PCSK2: variants seen among roughly 807,000 people sequenced by gnomAD.
PCSK2 encodes neuroendocrine convertase 2.
A neutral mutation model predicts 69.7 loss-of-function variants in PCSK2; 14 were observed. The ratio of observed to expected loss-of-function variants is 0.20; its 90% confidence interval spans 0.13 to 0.31. The LOEUF is 0.31. Among genes scored for constraint, PCSK2 ranks in the 10% least tolerant of loss-of-function variants. PCSK2 has a pLI of 1.00. For missense variants in PCSK2, 544 were observed against 842.5 expected (o/e 0.65, Z 4.39); for synonymous variants, 307 against 320.7 (o/e 0.96, Z 0.46).
intron 1 of PCSK2, among the ~76,000 whole-genome samples, chr20:17,246,565 G>A (rs1230386493): frequency 6.6e-6 from 1 of 152,018 alleles, no homozygotes; most frequent in African/African-American, 2.4e-5. Context: ...CCATGTTCCT[G>A]GTTTAACAGT....
At chr20:17,354,345 A>G (rs1173009272) in intron 2 of PCSK2, among the ~76,000 whole-genome samples, 1 of 152,224 alleles carries the variant, frequency 6.6e-6, no homozygotes, top group African/African-American at 2.4e-5. Flanking sequence ...ATTAAGTTGT[A>G]TGCATGTTAT....
intron 6 of PCSK2, among the ~76,000 whole-genome samples, chr20:17,421,281 G>T (rs1406931996): frequency 1.3e-5 from 2 of 152,178 alleles, no homozygotes; most frequent in Non-Finnish European, 2.9e-5. Context: ...AGAAAGCAAT[G>T]GGTGCTTGCC....
chr20:17,315,495 C>G (rs962074734), intron 2 of PCSK2, among the ~76,000 whole-genome samples: 16 of 152,170 alleles, frequency 1.1e-4, no homozygotes, highest in African/African-American at 3.4e-4. Context: ...GAAAGCGTCC[C>G]GGTGCACAGC....
At chr20:17,450,975 T>C (rs1405168418) in intron 8 of PCSK2, among the ~76,000 whole-genome samples, 1 of 152,022 alleles carries the variant, frequency 6.6e-6, no homozygotes, top group Non-Finnish European at 1.5e-5. Context: ...GGAGGTCCCT[T>C]CCCCACTCAT....
chr20:17,453,832 A>G lies in PCSK2; in HGVS notation c.976A>G (p.Met326Val), dbSNP rs2032871615. The G allele has an allele frequency of 6.2e-7, 1 of 1,614,236 alleles. No individual in the cohort carries two copies. The highest frequency in any genetic ancestry group is 1.3e-5 in the African/African-American group (1 of 75,074). The change falls in exon 9 of 12, where the codon ATG becomes GTG. Residue 326 changes from methionine (M) to valine (V), a missense_variant. Met to Val is a conservative substitution (Grantham distance 21). Around this residue, in one of 3 missense-constraint regions of PCSK2, gnomAD observed 187 missense variants for 399.8 expected, o/e 0.47. Coordinates refer to ENST00000262545, the MANE Select transcript of PCSK2 (RefSeq NM_002594.5). The surrounding 1 kb of genome is among the most constrained non-coding windows in gnomAD (Gnocchi z 4.0). The part of the protein sequence containing the change: ...DCNCDGYASS[M>V]WTISINSAIN... ...CAACTGCGACGGCTACGCCTCCAGC[A>G]TGTGGACCATCTCCATCAACTCAGC...
At chr20:17,234,090 A>T (rs146646646) in intron 1 of PCSK2, among the ~76,000 whole-genome samples, 5 of 152,356 alleles carry the variant, frequency 3.3e-5, no homozygotes, top group African/African-American at 9.6e-5. Flanking sequence ...AGTACTGCCC[A>T]AACTAATATG....
chr20:17,338,422 C>T (rs893993907), intron 2 of PCSK2, among the ~76,000 whole-genome samples: 2 of 152,020 alleles, frequency 1.3e-5, no homozygotes, highest in Non-Finnish European at 2.9e-5. Context: ...GTCTTGAACT[C>T]CTGACCTTTT....
intron 1 of PCSK2, among the ~76,000 whole-genome samples, chr20:17,252,065 C>T (rs955651349): frequency 2.0e-5 from 3 of 152,118 alleles, no homozygotes; most frequent in Non-Finnish European, 4.4e-5. Flanking sequence ...AAGTGTGTTC[C>T]AGGGAACAAG....
intron 2 of PCSK2, among the ~76,000 whole-genome samples, chr20:17,329,982 T>C (rs1990168910): frequency 6.6e-6 from 1 of 152,178 alleles, no homozygotes; most frequent in Admixed American, 6.5e-5. Context: ...GTACATAATA[T>C]GAAGTAGCCA....
At chr20:17,391,906 G>GAGGAAGGGAGGA (rs2031384631) in intron 5 of PCSK2, among the ~76,000 whole-genome samples, 1 of 99,966 alleles carries the variant, frequency 1.0e-5, no homozygotes, top group Non-Finnish European at 2.0e-5. Flanking sequence ...GAAAGAGAGA[G>GAGGAAGGGAGGA]AGGAAGGAAG....
At chr20:17,275,641 T>C (rs1434674358) in intron 2 of PCSK2, among the ~76,000 whole-genome samples, 1 of 152,166 alleles carries the variant, frequency 6.6e-6, no homozygotes, top group Admixed American at 6.6e-5. Flanking sequence ...AAATTATCTT[T>C]AAAAACTCAA....
chr20:17,356,142 C>T (rs909790725), intron 2 of PCSK2, among the ~76,000 whole-genome samples: 38 of 152,090 alleles, frequency 2.5e-4, no homozygotes, highest in Middle Eastern at 3.4e-3. Flanking sequence ...CATACATGTG[C>T]ATAAGTATAT....
At chr20:17,470,730 C>T (rs926945054) in intron 11 of PCSK2, among the ~76,000 whole-genome samples, 3 of 152,202 alleles carry the variant, frequency 2.0e-5, no homozygotes, top group East Asian at 1.9e-4. Context: ...ATAAAGCAAA[C>T]GGCCTTAACT....
In PCSK2 at chr20:17,260,314, C is replaced by A; in HGVS notation, c.252C>A (p.His84Gln). ...AGGCCAAGAGAAGACGCAGCCTACA[C>A]CACAAGCAGCAGCTGGAGAGAGACC... Reference protein sequence around the residue: ...LAKAKRRRSLHHKQQLERDPR... With the variant: ...LAKAKRRRSLQHKQQLERDPR... The change falls in exon 2 of 12, where the codon CAC (histidine) becomes CAA (glutamine). Residue 84 changes from histidine to glutamine, a missense_variant. By Grantham distance (24) the His-to-Gln change is conservative (BLOSUM62 0). This residue lies in a region of PCSK2 where 157 missense variants were observed against 155.0 expected (regional missense o/e 1.01). Transcript: ENST00000262545. 2 of 1,613,400 alleles carry A rather than the reference C, an allele frequency of 1.2e-6. No individual in the cohort carries two copies. Among genetic ancestry groups the A allele is most frequent in the Non-Finnish European group, 1.7e-6 (2 of 1,179,346 alleles).
At position 17,353,795 on chromosome 20, in the gene PCSK2, C is replaced by T. The variant is rs549187483; in HGVS notation, c.283-4532C>T. On this transcript the variant is annotated intron_variant, in intron 2 of 11. Coordinates refer to ENST00000262545, the MANE Select transcript of PCSK2 (RefSeq NM_002594.5). Reference sequence around the variant, plus strand: ...AAGAAAATGTGGTACACCTCATATACACCATGGAATACTATGCAGCCATAA... The same window carrying T: ...AAGAAAATGTGGTACACCTCATATATACCATGGAATACTATGCAGCCATAA... 1.1e-4 allele frequency among the ~76,000 whole-genome samples: 16 copies of T among 152,328 alleles called. No individual in the cohort carries two copies. In the East Asian group the frequency reaches 2.3e-3, roughly 22 times the overall value.
chr20:17,330,448 G>T (rs966232364), intron 2 of PCSK2, among the ~76,000 whole-genome samples: 8 of 151,892 alleles, frequency 5.3e-5, no homozygotes, highest in Admixed American at 1.3e-4. Flanking sequence ...AAAAAAATTA[G>T]TTGGGCATGG....
intron 6 of PCSK2, 62 bp from the exon 7 acceptor site, chr20:17,429,373 A>C (rs147717936): frequency 8.3e-7 from 1 of 1,211,048 alleles, no homozygotes; most frequent in African/African-American, 1.5e-5. Context: ...TTTTGAGCCC[A>C]TGAGAGATCT....
At chr20:17,390,113 T>A (rs1266718349) in intron 5 of PCSK2, among the ~76,000 whole-genome samples, 1 of 152,124 alleles carries the variant, frequency 6.6e-6, no homozygotes, top group African/African-American at 2.4e-5. Flanking sequence ...AATAGGCAAA[T>A]CTCCAAATGT....
At chr20:17,271,560 G>C (rs1430045416) in intron 2 of PCSK2, among the ~76,000 whole-genome samples, 1 of 151,954 alleles carries the variant, frequency 6.6e-6, no homozygotes, top group African/African-American at 2.4e-5. Context: ...TCAAGCAAGA[G>C]AATAAACGGC....
Sources: gnomAD v4.1 joint callset for allele counts (sites outside exome capture counted in the v4.1 genomes callset) on GRCh38, gnomAD v4.1.1 for gene constraint, gnomAD v4.1.1 regional missense constraint, Gnocchi (gnomAD v3.1) non-coding constraint, MANE v1.5 for transcripts, NCBI Gene and HGNC (gene_info 2026-07-23, HGNC 2026-07-21) for gene names.